The following ZFYVE9 variants were observed in gnomAD, a reference collection of about 807,000 sequenced individuals.
The protein encoded by ZFYVE9 is zinc finger FYVE-type containing 9, also known as zinc finger FYVE domain-containing protein 9.
A neutral mutation model predicts 126.7 loss-of-function variants in ZFYVE9; 43 were observed. That is an observed-to-expected ratio of 0.34 (90% CI 0.27 to 0.44). The LOEUF is 0.44. Among genes scored for constraint, ZFYVE9 ranks in the 20% least tolerant of loss-of-function variants. The pLI is 1.00. For missense variants in ZFYVE9, 1,476 were observed against 1,697.0 expected (o/e 0.87, Z 2.29); for synonymous variants, 521 against 597.4 (o/e 0.87, Z 1.87).
rs1219096778 is a variant in ZFYVE9 at position 52,332,980 on chromosome 1, G to C, written c.3589+62G>C. On this transcript the variant is annotated intron_variant, in intron 14 of 18. Coordinates refer to ENST00000287727, the MANE Select transcript of ZFYVE9 (RefSeq NM_004799.4). ...AAATTATACTGGACTTGGACAGTTAGATACCTCAGTCCCGTAACACTCACT... is the reference window on the plus strand; with the variant it reads ...AAATTATACTGGACTTGGACAGTTACATACCTCAGTCCCGTAACACTCACT... 4 of 1,592,790 alleles carry C rather than the reference G, an allele frequency of 2.5e-6. No homozygotes were observed. The African/African-American group carries it at 5.4e-5, about 21-fold the overall frequency.
intron 1 of ZFYVE9, among the ~76,000 whole-genome samples, chr1:52,163,762 C>T (rs1225116060): frequency 6.6e-6 from 1 of 151,662 alleles, no homozygotes; most frequent in African/African-American, 2.4e-5. Flanking sequence ...TCACTTGAGC[C>T]CAGGAGTTTA....
At chr1:52,197,092 G>GT (rs1483241304) in intron 1 of ZFYVE9, among the ~76,000 whole-genome samples, 1 of 152,126 alleles carries the variant, frequency 6.6e-6, no homozygotes, top group Non-Finnish European at 1.5e-5. Context: ...GGAGGCAGAA[G>GT]TAGATATAAG....
intron 12 of ZFYVE9, among the ~76,000 whole-genome samples, chr1:52,301,080 G>C (rs1646028980): frequency 6.6e-6 from 1 of 151,546 alleles, no homozygotes; most frequent in Non-Finnish European, 1.5e-5. Context: ...GGCTGGTCTT[G>C]AACTCCTGAC....
At chr1:52,276,509 A>G (rs910940157) in intron 8 of ZFYVE9, among the ~76,000 whole-genome samples, 4 of 152,210 alleles carry the variant, frequency 2.6e-5, no homozygotes, top group African/African-American at 9.6e-5. Flanking sequence ...TAAAACAATT[A>G]TATAACTACA....
chr1:52,331,575 A>T (rs1046549942), intron 13 of ZFYVE9, among the ~76,000 whole-genome samples: 1 of 151,234 alleles, frequency 6.6e-6, no homozygotes, highest in Non-Finnish European at 1.5e-5. Context: ...ACACGGTGAA[A>T]CCTTGTCTCT....
At chr1:52,314,956 C>T (rs938022280) in intron 13 of ZFYVE9, among the ~76,000 whole-genome samples, 5 of 152,074 alleles carry the variant, frequency 3.3e-5, no homozygotes, top group African/African-American at 9.7e-5. Context: ...TGAGGCAAAG[C>T]GTTTTCTCGG....
intron 1 of ZFYVE9, among the ~76,000 whole-genome samples, chr1:52,207,836 T>C (rs1644991985): frequency 6.6e-6 from 1 of 152,234 alleles, no homozygotes; most frequent in African/African-American, 2.4e-5. Flanking sequence ...TTCACACAAA[T>C]TGCTTTTTTG....
intron 1 of ZFYVE9, among the ~76,000 whole-genome samples, chr1:52,170,806 G>T (rs1025674271): frequency 1.3e-5 from 2 of 151,914 alleles, no homozygotes; most frequent in Non-Finnish European, 2.9e-5. Context: ...TTATTCCCTT[G>T]TGGTCAGAGA....
At chr1:52,331,507 C>T (rs543028533) in intron 13 of ZFYVE9, among the ~76,000 whole-genome samples, 1 of 150,132 alleles carries the variant, frequency 6.7e-6, no homozygotes, top group South Asian at 2.1e-4. Flanking sequence ...AATCCCAGCA[C>T]TTTGGGAGGC....
intron 9 of ZFYVE9, among the ~76,000 whole-genome samples, chr1:52,279,808 A>G (rs1368025739): frequency 1.3e-5 from 2 of 152,124 alleles, no homozygotes; most frequent in Admixed American, 1.3e-4. Context: ...TTTATTCTGA[A>G]TGAGTGTTAA....
In ZFYVE9 at chr1:52,329,552, A is replaced by G. The variant is rs994545182; in HGVS notation, c.3439-3216A>G. Among the ~76,000 whole-genome samples the G allele has an allele frequency of 2.6e-5, 4 of 152,354 alleles. No individual in the cohort carries two copies. The South Asian group carries it at 8.3e-4, about 32-fold the overall frequency. ...AGGACATTAGCAAGAAAATGAAAAG[A>G]CAACCTATAAAATGGGAGAAAATAT... On this transcript the variant is annotated intron_variant, in intron 13 of 18. Coordinates refer to ENST00000287727, the MANE Select transcript of ZFYVE9 (RefSeq NM_004799.4).
intron 1 of ZFYVE9, among the ~76,000 whole-genome samples, chr1:52,154,802 G>A (rs188842870): frequency 6.6e-6 from 1 of 152,206 alleles, no homozygotes; most frequent in East Asian, 1.9e-4. Flanking sequence ...CCTTTTCATT[G>A]TCAAGGTCAC....
In ZFYVE9 at chr1:52,329,860, G is replaced by A. The variant is rs147563918; in HGVS notation, c.3439-2908G>A. On this transcript the variant is annotated intron_variant, in intron 13 of 18. Coordinates refer to ENST00000287727, the MANE Select transcript of ZFYVE9 (RefSeq NM_004799.4). ...GTGGAGCTTGCAGTGAGCCTAGATC[G>A]CGCCACTGCACTCCAGCCTGGGTGA... Among the ~76,000 whole-genome samples the A allele has an allele frequency of 4.2e-3, 636 of 152,110 alleles. 4 individuals carry two copies. Among genetic ancestry groups the A allele is most frequent in the African/African-American group, 0.014 (600 of 41,502 alleles).
intron 1 of ZFYVE9, among the ~76,000 whole-genome samples, chr1:52,214,460 A>G (rs1186235422): frequency 1.3e-5 from 2 of 151,936 alleles, no homozygotes; most frequent in Admixed American, 6.6e-5. Flanking sequence ...TAAAATAGTA[A>G]AGTTGAGACT....
intron 1 of ZFYVE9, chr1:52,150,447 G>A (rs1644344370): frequency 6.6e-6 from 1 of 151,338 alleles, no homozygotes; most frequent in South Asian, 2.1e-4. Context: ...GATGATAGAT[G>A]ATAGCTAGAT....
intron 1 of ZFYVE9, chr1:52,179,862 C>T: frequency 1.4e-6 from 1 of 718,566 alleles, no homozygotes. Flanking sequence ...GACCCCAACG[C>T]AGACACTGAA....
chr1:52,183,477 TATTA>T (rs982983761), intron 1 of ZFYVE9, among the ~76,000 whole-genome samples: 1 of 152,218 alleles, frequency 6.6e-6, no homozygotes, highest in Admixed American at 6.5e-5. Flanking sequence ...CCTTTTGAGT[TATTA>T]ATTTTATTCA....
chr1:52,267,911 A>C (rs1051406258), intron 6 of ZFYVE9, among the ~76,000 whole-genome samples: 1 of 152,152 alleles, frequency 6.6e-6, no homozygotes, highest in South Asian at 2.1e-4. Flanking sequence ...CTTCAGTTAC[A>C]CTTCAGGCAA....
At chr1:52,303,090 A>G (rs978265289) in intron 12 of ZFYVE9, among the ~76,000 whole-genome samples, 15 of 152,218 alleles carry the variant, frequency 9.9e-5, no homozygotes, top group African/African-American at 3.4e-4. Flanking sequence ...AGCTCGGGCA[A>G]CAGAGTGAGA....
Sources: gnomAD v4.1 joint callset for allele counts (sites outside exome capture counted in the v4.1 genomes callset) on GRCh38, gnomAD v4.1.1 for gene constraint, MANE v1.5 for transcripts, NCBI Gene and HGNC (gene_info 2026-07-23, HGNC 2026-07-21) for gene names.